Variants in CNTN4 observed in about 807,000 individuals in gnomAD.
CNTN4 encodes contactin 4.
In CNTN4, 77 loss-of-function variants were observed where a neutral mutation model predicts 122.5. The ratio of observed to expected loss-of-function variants is 0.63; its 90% CI spans 0.52 to 0.76. The LOEUF (loss-of-function observed/expected upper bound fraction) is 0.76, where lower values mean the gene tolerates loss of function less well. Ranked by LOEUF, CNTN4 falls within the 30% of genes least tolerant of loss-of-function variation. The probability of loss-of-function intolerance (pLI) is 0.00; values close to 1 mark genes in which losing one functional copy is unlikely to be tolerated. For missense variants in CNTN4, 1,256 were observed against 1,259.1 expected, an observed-to-expected ratio of 1.00 and a Z score of 0.04; for synonymous variants, 512 against 447.0, an observed-to-expected ratio of 1.15 and a Z score of -1.83.
At chr3:2,233,708 A>C (rs1052600751) in intron 2 of CNTN4, among the ~76,000 whole-genome samples, 2 of 152,056 alleles carry the variant, frequency 1.3e-5, no homozygotes, top group Non-Finnish European at 2.9e-5. Context: ...CCTAGATCAT[A>C]GTTATTATCT....
chr3:2,880,083 A>G (rs1470093556), intron 8 of CNTN4, among the ~76,000 whole-genome samples: 1 of 152,192 alleles, frequency 6.6e-6, no homozygotes, highest in Non-Finnish European at 1.5e-5. Flanking sequence ...GATCTGGGAC[A>G]TTGCATCTCT....
intron 14 of CNTN4, among the ~76,000 whole-genome samples, chr3:3,001,613 G>A (rs139731342): frequency 0.015 from 2,289 of 152,180 alleles, 23 homozygotes; most frequent in Non-Finnish European, 0.021. Flanking sequence ...TAATTATTCC[G>A]TATTATCTTA....
At chr3:2,148,187 A>T (rs772321540) in intron 2 of CNTN4, among the ~76,000 whole-genome samples, 1 of 152,162 alleles carries the variant, frequency 6.6e-6, no homozygotes, top group Non-Finnish European at 1.5e-5. Flanking sequence ...CACCTTAAAC[A>T]TATGCTGCTT....
intron 3 of CNTN4, among the ~76,000 whole-genome samples, chr3:2,481,658 A>G (rs1012095792): frequency 2.0e-5 from 3 of 152,014 alleles, no homozygotes; most frequent in Non-Finnish European, 4.4e-5. Context: ...CCCTACCCAA[A>G]TCTCATCTTG....
chr3:2,332,922 G>A (rs371673615), intron 2 of CNTN4, among the ~76,000 whole-genome samples: 2 of 151,906 alleles, frequency 1.3e-5, no homozygotes, highest in East Asian at 3.9e-4. Context: ...TCCTATCCTC[G>A]AGAGCAGTGT....
At chr3:2,921,865 T>A (rs2094432723) in intron 12 of CNTN4, among the ~76,000 whole-genome samples, 2 of 152,292 alleles carry the variant, frequency 1.3e-5, no homozygotes, top group South Asian at 4.1e-4. Flanking sequence ...TAAAATACCC[T>A]TGATATATGA....
intron 3 of CNTN4, among the ~76,000 whole-genome samples, chr3:2,389,739 T>C (rs1021576672): frequency 1.3e-5 from 2 of 152,206 alleles, no homozygotes; most frequent in Non-Finnish European, 2.9e-5. Context: ...ACCTGGCAGA[T>C]ACCAACTGAA....
At chr3:2,218,740 A>T (rs1198060795) in intron 2 of CNTN4, among the ~76,000 whole-genome samples, 2 of 152,226 alleles carry the variant, frequency 1.3e-5, no homozygotes, top group South Asian at 2.1e-4. Flanking sequence ...ACAGCAAAGA[A>T]GGATTGATTC....
chr3:2,524,698 T>C (rs573726557), intron 3 of CNTN4, among the ~76,000 whole-genome samples: 1 of 152,108 alleles, frequency 6.6e-6, no homozygotes, highest in African/African-American at 2.4e-5. Context: ...GTCCATCTCC[T>C]CTGTCTTCAG....
intron 3 of CNTN4, among the ~76,000 whole-genome samples, chr3:2,470,020 C>G (rs2075630663): frequency 6.6e-6 from 1 of 151,318 alleles, no homozygotes; most frequent in Non-Finnish European, 1.5e-5. Flanking sequence ...ACTGACATTG[C>G]TTTTCAAGGT....
chr3:3,024,851 A>G (rs1244115012), intron 14 of CNTN4, among the ~76,000 whole-genome samples: 3 of 152,192 alleles, frequency 2.0e-5, no homozygotes, highest in Admixed American at 2.0e-4. Context: ...GGATATTTTA[A>G]TCCCAGAGGT....
chr3:2,240,714 C>T (rs1406885721), intron 2 of CNTN4, among the ~76,000 whole-genome samples: 3 of 151,948 alleles, frequency 2.0e-5, no homozygotes, highest in Non-Finnish European at 4.4e-5. Context: ...TGTCAAGCAA[C>T]GAAGCTTATT....
chr3:2,151,846 C>T (rs2035507097), intron 2 of CNTN4, among the ~76,000 whole-genome samples: 1 of 152,198 alleles, frequency 6.6e-6, no homozygotes, highest in Non-Finnish European at 1.5e-5. Flanking sequence ...AAGGCCCTCA[C>T]CAGATGTGGC....
chr3:2,548,904 G>A (rs988593909), intron 3 of CNTN4, among the ~76,000 whole-genome samples: 12 of 151,872 alleles, frequency 7.9e-5, no homozygotes, highest in African/African-American at 2.7e-4. Flanking sequence ...CCCTTGTAAG[G>A]TGTATTCCTA....
rs1018920042 is a variant in CNTN4, at chr3:2,385,189, A to C, written c.-89+45956A>C. On this transcript the variant is annotated intron_variant, in intron 3 of 24. Coordinates refer to ENST00000418658, the MANE Select transcript of CNTN4 (RefSeq NM_175607.3). The surrounding 1 kb of genome is among the most constrained non-coding windows in gnomAD (Gnocchi z 4.0). ...CTCATATCAACAAGGTTAATCCCAA[A>C]CTCTTTTTAAAAATAATCTGTCTAC... Among the ~76,000 whole-genome samples, 2 of 150,690 alleles carry C rather than the reference A, an allele frequency of 1.3e-5. No individual in the cohort carries two copies. Among genetic ancestry groups the C allele is most frequent in the Admixed American group, 6.6e-5 (1 of 15,148 alleles).
At chr3:2,203,070 G>A (rs1350543615) in intron 2 of CNTN4, among the ~76,000 whole-genome samples, 1 of 151,606 alleles carries the variant, frequency 6.6e-6, no homozygotes, top group Non-Finnish European at 1.5e-5. Context: ...CTGACCTCAA[G>A]TTGTCTGCCC....
chr3:2,903,748 T>G (rs1005228039), intron 12 of CNTN4, among the ~76,000 whole-genome samples: 1 of 152,208 alleles, frequency 6.6e-6, no homozygotes, highest in Non-Finnish European at 1.5e-5. Flanking sequence ...GTTTACACTT[T>G]TTTTTGTGAT....
chr3:2,530,757 C>A (rs1018433832), intron 3 of CNTN4, among the ~76,000 whole-genome samples: 1 of 151,860 alleles, frequency 6.6e-6, no homozygotes, highest in Admixed American at 6.6e-5. Context: ...ATTTTTTTAC[C>A]TTGAGAAAAT....
intron 2 of CNTN4, among the ~76,000 whole-genome samples, chr3:2,287,657 A>AGAG (rs1559415324): frequency 6.4e-5 from 2 of 31,180 alleles, no homozygotes; most frequent in African/African-American, 1.6e-4. Context: ...AAGAAGAAGA[A>AGAG]GAAGAAGAAG....
Sources: allele counts gnomAD v4.1 joint callset (sites outside exome capture counted in the v4.1 genomes callset), GRCh38; gene constraint gnomAD v4.1.1; non-coding constraint Gnocchi (gnomAD v3.1); transcripts MANE v1.5; gene names NCBI Gene and HGNC (gene_info 2026-07-23, HGNC 2026-07-21).